Variants in UGP2 observed in about 807,000 individuals in gnomAD.
UGP2 encodes UTP--glucose-1-phosphate uridylyltransferase.
A neutral mutation model predicts 49.0 loss-of-function variants in UGP2; 40 were observed. The ratio of observed to expected loss-of-function variants is 0.82; its 90% confidence interval spans 0.63 to 1.06. UGP2 has a LOEUF of 1.06. UGP2 is among the 50% of genes least tolerant of loss of function. The probability of loss-of-function intolerance (pLI) is 0.00; values close to 1 mark genes in which losing one functional copy is unlikely to be tolerated. For synonymous variants in UGP2, 225 were observed against 213.0 expected (o/e 1.06, Z -0.49); for missense variants, 460 against 603.5 (o/e 0.76, Z 2.49).
Position 63,890,184 on chromosome 2 carries a change from AG to A in UGP2, c.1419+1del, listed in dbSNP as rs1408149381. Reference sequence around the variant, plus strand: ...ACATTTGGAAAAAATGTTTCATTAAAGGTATGTTGTTACAATGAAAATTATA... The same window carrying A: ...ACATTTGGAAAAAATGTTTCATTAAAGTATGTTGTTACAATGAAAATTATA... The part of the protein sequence containing the change: ...DVTFGKNVSL[K>X]GTVIIIANHG... On this transcript the variant is annotated frameshift_variant and splice_region_variant, in exon 9 of 10. Transcript: ENST00000337130. LOFTEE classifies it high-confidence loss of function. 1.3e-6 allele frequency: 2 copies of A among 1,598,484 alleles called. No homozygotes were observed. Among genetic ancestry groups the A allele is most frequent in the Non-Finnish European group, 1.7e-6 (2 of 1,171,630 alleles).
chr2:63,886,036 A>G, intron 6 of UGP2, 150 bp downstream of exon 6: 1 of 992,244 alleles, frequency 1.0e-6, no homozygotes, highest in Non-Finnish European at 1.4e-6. Context: ...TAAATCCATA[A>G]TAAATAGTAT....
At chr2:63,884,919 TA>T (rs906726447) in intron 5 of UGP2, among the ~76,000 whole-genome samples, 2 of 137,582 alleles carry the variant, frequency 1.5e-5, no homozygotes, top group Non-Finnish European at 3.1e-5. Flanking sequence ...AAAATAAAAA[TA>T]AAAAAGAAGG....
chr2:63,886,322 C>A lies in UGP2; in HGVS notation c.874-19C>A, dbSNP rs752919793. 2 of 1,612,256 alleles carry A rather than the reference C, an allele frequency of 1.2e-6. No individual in the cohort carries two copies. The highest frequency in any genetic ancestry group is 2.2e-5 in the East Asian group (1 of 44,824). The stretch of plus-strand genomic sequence containing the variant: ...CTTGAGACTGATGTGGAGGCACTCA[C>A]TATTTTCTGCCTTTCTAGGGCGGGA... On this transcript the variant is annotated intron_variant, in intron 6 of 9. Coordinates refer to ENST00000337130, the MANE Select transcript of UGP2 (RefSeq NM_006759.4).
intron 8 of UGP2, 159 bp downstream of exon 8, chr2:63,887,803 A>G (rs1671793340): frequency 1.0e-6 from 1 of 972,336 alleles, no homozygotes; most frequent in African/African-American, 1.6e-5. Flanking sequence ...CATAGAAGAT[A>G]AATATTTTAC....
At chr2:63,874,756 A>G (rs1461443268) in intron 3 of UGP2, among the ~76,000 whole-genome samples, 4 of 151,394 alleles carry the variant, frequency 2.6e-5, no homozygotes, top group Non-Finnish European at 4.4e-5. Context: ...TTCATTAGTT[A>G]TAGTGAGAAC....
chr2:63,868,890 C>CT (rs1301142601), intron 3 of UGP2, among the ~76,000 whole-genome samples: 2 of 151,728 alleles, frequency 1.3e-5, no homozygotes, highest in African/African-American at 4.8e-5. Context: ...AGGAGAATCA[C>CT]TTGAACCTGG....
chr2:63,877,036 A>T (rs1356626490), intron 3 of UGP2, among the ~76,000 whole-genome samples: 1 of 152,246 alleles, frequency 6.6e-6, no homozygotes, highest in Non-Finnish European at 1.5e-5. Context: ...ATCATAGAAT[A>T]AGTTTTTGGG....
intron 7 of UGP2, 111 bp from the exon 8 acceptor site, chr2:63,887,291 C>A: frequency 2.9e-6 from 4 of 1,403,456 alleles, no homozygotes; most frequent in Non-Finnish European, 3.8e-6. Context: ...TTTTTTTTTT[C>A]CATCAATGGA....
intron 1 of UGP2, among the ~76,000 whole-genome samples, chr2:63,844,310 TA>T (rs1300211012): frequency 1.3e-5 from 2 of 152,262 alleles, no homozygotes; most frequent in Non-Finnish European, 2.9e-5. Context: ...TGGTTTTGAT[TA>T]TTTTTTTAAG....
chr2:63,844,395 C>G (rs560676829), intron 1 of UGP2, among the ~76,000 whole-genome samples: 1 of 152,116 alleles, frequency 6.6e-6, no homozygotes, highest in East Asian at 1.9e-4. Context: ...AGTTCATGCT[C>G]CTTCATAGGG....
intron 1 of UGP2, among the ~76,000 whole-genome samples, chr2:63,848,588 T>C (rs1235187099): frequency 6.6e-6 from 1 of 152,214 alleles, no homozygotes; most frequent in Non-Finnish European, 1.5e-5. Flanking sequence ...GGTCTTGAAC[T>C]CCTGACCATG....
At chr2:63,859,434 A>G (rs1669681532) in intron 3 of UGP2, among the ~76,000 whole-genome samples, 1 of 152,154 alleles carries the variant, frequency 6.6e-6, no homozygotes, top group African/African-American at 2.4e-5. Flanking sequence ...GGGTTCAAGA[A>G]TTAGTTTTTT....
At position 63,887,577 on chromosome 2, in the gene UGP2, T is replaced by A. The variant is rs763755146; in HGVS notation, c.1247T>A (p.Leu416Gln). 1 of 1,614,172 alleles carries A rather than the reference T, an allele frequency of 6.2e-7. No homozygotes were observed. The highest frequency in any genetic ancestry group is 1.1e-5 in the South Asian group (1 of 91,084). The part of the protein sequence containing the change: ...SNLYSLNAGS[L>Q]TMSEKREFPT... The stretch of plus-strand genomic sequence containing the variant: ...CTCTATAGTCTTAATGCAGGATCTC[T>A]GACAATGAGTGAAAAGCGGGAATTT... The change falls in exon 8 of 10, where the codon CTG (leucine) becomes CAG (glutamine). Residue 416 changes from leucine to glutamine, a missense_variant. Coordinates refer to ENST00000337130, the MANE Select transcript of UGP2 (RefSeq NM_006759.4).
intron 3 of UGP2, 57 bp from the exon 4 acceptor site, chr2:63,882,409 G>T: frequency 1.4e-6 from 2 of 1,381,510 alleles, no homozygotes; most frequent in East Asian, 2.4e-5. Context: ...GGATTGATAT[G>T]CTTTAACGTC....
At chr2:63,889,198 G>A (rs962341363) in intron 8 of UGP2, 2 of 152,186 alleles carry the variant, frequency 1.3e-5, no homozygotes, top group African/African-American at 2.4e-5. Context: ...AATGAAAAAC[G>A]AGGAATTGGA....
chr2:63,888,445 A>G (rs893892156), intron 8 of UGP2: 1 of 152,220 alleles, frequency 6.6e-6, no homozygotes, highest in Non-Finnish European at 1.5e-5. Flanking sequence ...AAACACTTCT[A>G]ATATTAAACT....
chr2:63,882,988 G>GTGGTGGGGAGGA (rs1671417004), intron 4 of UGP2, among the ~76,000 whole-genome samples: 2 of 152,138 alleles, frequency 1.3e-5, no homozygotes, highest in African/African-American at 4.8e-5. Context: ...TTTTGGGAGG[G>GTGGTGGGGAGGA]TGGTGGGGAG....
At chr2:63,846,354 A>G (rs1427832635) in intron 1 of UGP2, among the ~76,000 whole-genome samples, 1 of 152,210 alleles carries the variant, frequency 6.6e-6, no homozygotes, top group Non-Finnish European at 1.5e-5. Context: ...AAATGTTTTG[A>G]AACTTAATAA....
chr2:63,841,099 G>A (rs540874135), upstream of UGP2: 5 of 152,456 alleles, frequency 3.3e-5, no homozygotes, highest in African/African-American at 7.2e-5. Context: ...CGTTAGGGAG[G>A]GGCTCAAGGT....
Sources: allele counts gnomAD v4.1 joint callset (sites outside exome capture counted in the v4.1 genomes callset), GRCh38; gene constraint gnomAD v4.1.1; transcripts MANE v1.5; gene names NCBI Gene and HGNC (gene_info 2026-07-23, HGNC 2026-07-21).